The following CERT1 variants were observed in gnomAD, a reference collection of about 807,000 sequenced individuals.
CERT1 encodes the protein ceramide transporter 1, also known as ceramide transfer protein.
A neutral mutation model predicts 87.9 loss-of-function variants in CERT1; 31 were observed. The ratio of observed to expected loss-of-function variants is 0.35; its 90% CI spans 0.27 to 0.48. The LOEUF is 0.48. Ranked by LOEUF, CERT1 falls within the 20% of genes least tolerant of loss-of-function variation. The pLI is 0.99. For synonymous variants in CERT1, 289 were observed against 250.9 expected (o/e 1.15, Z -1.44); for missense variants, 487 against 758.0 (o/e 0.64, Z 4.20).
At position 75,495,485 on chromosome 5, in the gene CERT1, G is replaced by A. The variant is rs1200590729; in HGVS notation, c.231+10497C>T. On this transcript the variant is annotated intron_variant, in intron 2 of 16. Transcript: ENST00000643780. ...AGGCAGAAGAATTACTTCAGCCCAG[G>A]AGGTAGAGGCTTCAGTGTGCCGAGA... Among the ~76,000 whole-genome samples, 5 of 152,102 alleles carry A rather than the reference G, an allele frequency of 3.3e-5. No individual in the cohort carries two copies. The East Asian group carries it at 7.8e-4, about 24-fold the overall frequency.
chr5:75,473,483 T>C (rs1399277317), intron 2 of CERT1, among the ~76,000 whole-genome samples: 1 of 116,826 alleles, frequency 8.6e-6, no homozygotes, highest in Non-Finnish European at 1.9e-5. Context: ...GACAGACAAA[T>C]AACGCATTAT....
chr5:75,374,562 A>G (rs765164946), downstream of CERT1: 7 of 711,790 alleles, frequency 9.8e-6, no homozygotes, highest in Admixed American at 1.7e-5. Flanking sequence ...GCCCAAGGAC[A>G]AGGCCATTAA....
chr5:75,379,580 AT>A, intron 16 of CERT1, 107 bp from the exon 17 acceptor site: 1 of 1,017,592 alleles, frequency 9.8e-7, no homozygotes, highest in Non-Finnish European at 1.4e-6. Context: ...CATTGGACCA[AT>A]TAGCATCTTT....
chr5:75,375,582 A>AAAATAAATAAAT (rs35679444), downstream of CERT1: 52 of 133,864 alleles, frequency 3.9e-4, no homozygotes, highest in Middle Eastern at 3.6e-3. Context: ...ATGCTGTCTC[A>AAAATAAATAAAT]AAATAAATAA....
At chr5:75,490,077 T>C (rs892758256) in intron 2 of CERT1, among the ~76,000 whole-genome samples, 1 of 152,212 alleles carries the variant, frequency 6.6e-6, no homozygotes, top group African/African-American at 2.4e-5. Context: ...ACCATCATTC[T>C]CAGCAAACTA....
At chr5:75,447,116 T>C (rs762755154) in intron 3 of CERT1, among the ~76,000 whole-genome samples, 11 of 152,176 alleles carry the variant, frequency 7.2e-5, no homozygotes, top group Non-Finnish European at 1.3e-4. Context: ...GGGGCTGGGA[T>C]GGGTGGAGGT....
At chr5:75,371,795 G>A (rs1298907437) in intron 17 of CERT1, 1 of 152,166 alleles carries the variant, frequency 6.6e-6, no homozygotes, top group Admixed American at 6.5e-5. Context: ...TAGTTTGGGG[G>A]AAGACAAATA....
intron 2 of CERT1, among the ~76,000 whole-genome samples, chr5:75,490,270 A>C (rs939969107): frequency 5.3e-5 from 8 of 152,090 alleles, no homozygotes; most frequent in Admixed American, 2.6e-4. Flanking sequence ...AGTTGCAACA[A>C]ACCACCATGG....
intron 12 of CERT1, among the ~76,000 whole-genome samples, chr5:75,386,422 T>A (rs1417988229): frequency 1.3e-5 from 2 of 152,170 alleles, no homozygotes; most frequent in African/African-American, 4.8e-5. Context: ...CAATGCTGTA[T>A]CCCCAACAGC....
At chr5:75,411,686 T>C (rs574825921) in intron 7 of CERT1, among the ~76,000 whole-genome samples, 2 of 152,126 alleles carry the variant, frequency 1.3e-5, no homozygotes, top group East Asian at 3.8e-4. Context: ...AGTAACTGCA[T>C]GTATACTTAA....
intron 12 of CERT1, 41 bp downstream of exon 12, chr5:75,389,551 G>C (rs780847288): frequency 6.8e-7 from 1 of 1,464,432 alleles, no homozygotes; most frequent in Non-Finnish European, 9.6e-7. Flanking sequence ...GACTGAAACA[G>C]AGACGCCTTT....
At chr5:75,387,702 A>G (rs1404825711) in intron 12 of CERT1, among the ~76,000 whole-genome samples, 1 of 151,364 alleles carries the variant, frequency 6.6e-6, no homozygotes, top group Non-Finnish European at 1.5e-5. Flanking sequence ...AGATCATGCC[A>G]TTGCACTCCA....
chr5:75,387,881 A>G (rs1761864118), intron 12 of CERT1, among the ~76,000 whole-genome samples: 1 of 152,196 alleles, frequency 6.6e-6, no homozygotes, highest in African/African-American at 2.4e-5. Flanking sequence ...TCTCTCTAAC[A>G]CTGTGGGCTG....
intron 12 of CERT1, among the ~76,000 whole-genome samples, chr5:75,389,000 T>C (rs1381763233): frequency 6.6e-6 from 1 of 152,176 alleles, no homozygotes; most frequent in Non-Finnish European, 1.5e-5. Flanking sequence ...ATTATCTTTG[T>C]ATCTTTATTT....
chr5:75,500,732 G>C (rs749780523), intron 2 of CERT1, among the ~76,000 whole-genome samples: 13 of 152,114 alleles, frequency 8.5e-5, no homozygotes, highest in Non-Finnish European at 1.5e-4. Flanking sequence ...CTGCACACTT[G>C]AGAAAAGGCC....
At chr5:75,454,944 C>G (rs973073267) in intron 3 of CERT1, among the ~76,000 whole-genome samples, 2 of 152,156 alleles carry the variant, frequency 1.3e-5, no homozygotes, top group African/African-American at 4.8e-5. Context: ...CTGGTGACGA[C>G]CAGCTCAGTG....
At chr5:75,439,488 T>C (rs1764229776) in intron 3 of CERT1, among the ~76,000 whole-genome samples, 1 of 152,000 alleles carries the variant, frequency 6.6e-6, no homozygotes, top group Admixed American at 6.6e-5. Context: ...CCTCATGGTG[T>C]CAAAAATTAC....
intron 2 of CERT1, among the ~76,000 whole-genome samples, chr5:75,478,454 C>T (rs554821493): frequency 3.3e-5 from 5 of 151,956 alleles, no homozygotes; most frequent in East Asian, 1.9e-4. Context: ...TGTGCAGTGA[C>T]GGAGGACAAG....
intron 2 of CERT1, among the ~76,000 whole-genome samples, chr5:75,490,342 T>C (rs188362733): frequency 5.0e-4 from 76 of 152,256 alleles, no homozygotes; most frequent in African/African-American, 1.6e-3. Flanking sequence ...GCTTAAAGTA[T>C]AATAAAAAAC....
Sources: gnomAD v4.1 joint callset for allele counts (sites outside exome capture counted in the v4.1 genomes callset) on GRCh38, gnomAD v4.1.1 for gene constraint, MANE v1.5 for transcripts, NCBI Gene and HGNC (gene_info 2026-07-23, HGNC 2026-07-21) for gene names.